The following TDRD3 variants were observed in gnomAD, a reference collection of about 807,000 sequenced individuals.
TDRD3 encodes the protein tudor domain-containing protein 3.
A neutral mutation model predicts 86.7 loss-of-function variants in TDRD3; 45 were observed. The ratio of observed to expected loss-of-function variants is 0.52; its 90% CI spans 0.41 to 0.67. TDRD3 has a LOEUF of 0.67. Ranked by LOEUF, TDRD3 falls within the 30% of genes least tolerant of loss-of-function variation. The probability of loss-of-function intolerance (pLI) is 0.00; values close to 1 mark genes in which losing one functional copy is unlikely to be tolerated. For synonymous variants in TDRD3, 298 were observed against 301.7 expected (o/e 0.99, Z 0.13); for missense variants, 814 against 889.0 (o/e 0.92, Z 1.07).
intron 1 of TDRD3, among the ~76,000 whole-genome samples, chr13:60,429,710 C>A (rs1438866820): frequency 2.6e-5 from 4 of 152,084 alleles, no homozygotes; most frequent in African/African-American, 9.7e-5. Context: ...ATGTGAGTAG[C>A]CTGCTAGAAA....
At chr13:60,552,376 T>C (rs892313367) in intron 12 of TDRD3, among the ~76,000 whole-genome samples, 1 of 152,268 alleles carries the variant, frequency 6.6e-6, no homozygotes, top group Non-Finnish European at 1.5e-5. Context: ...TGACTCCATG[T>C]CTTACATCCA....
intron 4 of TDRD3, among the ~76,000 whole-genome samples, chr13:60,461,827 G>A (rs1019176635): frequency 2.6e-5 from 4 of 152,172 alleles, no homozygotes; most frequent in East Asian, 1.9e-4. Context: ...GTTAAAATAT[G>A]AGTAGGTATT....
chr13:60,427,551 G>T (rs1365019151), intron 1 of TDRD3, among the ~76,000 whole-genome samples: 4 of 152,142 alleles, frequency 2.6e-5, no homozygotes, highest in Non-Finnish European at 5.9e-5. Context: ...TAGGTAGACA[G>T]AGTTTGGTGA....
At chr13:60,573,070 A>C (rs918268222) in intron 13 of TDRD3, among the ~76,000 whole-genome samples, 3 of 152,220 alleles carry the variant, frequency 2.0e-5, no homozygotes, top group African/African-American at 7.2e-5. Context: ...GGCCTGGAGC[A>C]TACAAGTCTT....
chr13:60,502,404 C>T (rs897713373), intron 8 of TDRD3, among the ~76,000 whole-genome samples: 5 of 152,212 alleles, frequency 3.3e-5, no homozygotes, highest in African/African-American at 1.2e-4. Flanking sequence ...TAATTTTTCT[C>T]TCTCTAGTCC....
intron 2 of TDRD3, among the ~76,000 whole-genome samples, chr13:60,441,301 C>T (rs1955265404): frequency 1.3e-5 from 2 of 151,304 alleles, no homozygotes; most frequent in African/African-American, 4.9e-5. Flanking sequence ...TATTTATATT[C>T]TTAGGTAAAT....
At chr13:60,515,915 A>C (rs1431626664) in intron 10 of TDRD3, among the ~76,000 whole-genome samples, 1 of 152,222 alleles carries the variant, frequency 6.6e-6, no homozygotes, top group Admixed American at 6.5e-5. Context: ...ACATTTTTCT[A>C]AGATAAATCT....
Position 60,485,783 on chromosome 13 carries a change from T to C in TDRD3, c.568-16T>C. On this transcript the variant is annotated splice_polypyrimidine_tract_variant and intron_variant, in intron 6 of 13. Coordinates refer to ENST00000377881, the MANE Select transcript of TDRD3 (RefSeq NM_001146070.2). ...TTGGAACTACTAAGTTGACTTATTC[T>C]TACTTGTTTTACTAGAAGTGTGTAT... 1 of 1,552,674 alleles carries C rather than the reference T, an allele frequency of 6.4e-7. No individual in the cohort carries two copies. The highest frequency in any genetic ancestry group is 8.7e-7 in the Non-Finnish European group (1 of 1,151,996).
chr13:60,550,609 A>G lies in TDRD3; in HGVS notation c.2118+15376A>G, dbSNP rs143905316. Among the ~76,000 whole-genome samples, 866 of 152,220 alleles carry G rather than the reference A, an allele frequency of 5.7e-3. 5 individuals are homozygous for G. The highest frequency in any genetic ancestry group is 0.02 in the Middle Eastern group (6 of 294). Reference sequence around the variant, plus strand: ...TGGAAGAAAAATGAACATTTTGTGAATGACAAGATTCTTAGTCTCTTTTTA... The same window carrying G: ...TGGAAGAAAAATGAACATTTTGTGAGTGACAAGATTCTTAGTCTCTTTTTA... On this transcript the variant is annotated intron_variant, in intron 12 of 13. Transcript: ENST00000377881.
chr13:60,531,569 T>C (rs1957583091), intron 11 of TDRD3, among the ~76,000 whole-genome samples: 1 of 152,194 alleles, frequency 6.6e-6, no homozygotes, highest in Non-Finnish European at 1.5e-5. Flanking sequence ...ACGTTCAAAA[T>C]GTTTGAAAGC....
At chr13:60,558,459 G>A (rs1012013164) in intron 12 of TDRD3, among the ~76,000 whole-genome samples, 4 of 152,252 alleles carry the variant, frequency 2.6e-5, no homozygotes, top group African/African-American at 9.6e-5. Context: ...TAATTTACAG[G>A]CATTGACCTG....
intron 13 of TDRD3, among the ~76,000 whole-genome samples, chr13:60,568,121 A>G (rs1958507514): frequency 6.6e-6 from 1 of 152,110 alleles, no homozygotes; most frequent in Non-Finnish European, 1.5e-5. Flanking sequence ...ATATGTCTTT[A>G]TCTTCCCCAG....
chr13:60,525,012 G>A (rs188561187), intron 10 of TDRD3, among the ~76,000 whole-genome samples: 20,968 of 142,874 alleles, frequency 0.15, 1,777 homozygotes, highest in African/African-American at 0.21. Flanking sequence ...ACTTGAACCC[G>A]GGAGGTGGAG....
chr13:60,414,190 A>AT (rs1371750349), intron 1 of TDRD3, among the ~76,000 whole-genome samples: 5 of 151,930 alleles, frequency 3.3e-5, no homozygotes, highest in Admixed American at 6.6e-5. Flanking sequence ...GTCCAGATAC[A>AT]TTTTTTTTGA....
chr13:60,414,621 T>C (rs1357347389), intron 1 of TDRD3, among the ~76,000 whole-genome samples: 1 of 152,168 alleles, frequency 6.6e-6, no homozygotes, highest in Non-Finnish European at 1.5e-5. Flanking sequence ...CTTGTTCTTA[T>C]CCTTATTTGT....
intron 1 of TDRD3, among the ~76,000 whole-genome samples, chr13:60,411,312 A>C (rs1256740235): frequency 6.6e-6 from 1 of 152,258 alleles, no homozygotes; most frequent in Non-Finnish European, 1.5e-5. Flanking sequence ...GTTACAGGGT[A>C]ATGAGAATGG....
intron 3 of TDRD3, among the ~76,000 whole-genome samples, chr13:60,454,286 T>C (rs1594951961): frequency 6.6e-6 from 1 of 152,176 alleles, no homozygotes; most frequent in Admixed American, 6.6e-5. Flanking sequence ...CTTGTTCCTA[T>C]TGGGTTTAAA....
intron 11 of TDRD3, 99 bp from the exon 12 acceptor site, chr13:60,535,009 T>G (rs1957668321): frequency 4.3e-6 from 6 of 1,381,738 alleles, no homozygotes; most frequent in South Asian, 4.2e-5. Flanking sequence ...CTAAAGAATA[T>G]TACACATTGG....
intron 1 of TDRD3, among the ~76,000 whole-genome samples, chr13:60,412,645 T>C (rs1328279668): frequency 6.6e-6 from 1 of 152,172 alleles, no homozygotes; most frequent in Non-Finnish European, 1.5e-5. Context: ...TAGTTATTAA[T>C]TAGTATTTGT....
Sources: allele counts gnomAD v4.1 joint callset (sites outside exome capture counted in the v4.1 genomes callset), GRCh38; gene constraint gnomAD v4.1.1; transcripts MANE v1.5; gene names NCBI Gene and HGNC (gene_info 2026-07-23, HGNC 2026-07-21).